Variants in ACSS1 observed in about 807,000 individuals in gnomAD.
ACSS1 encodes acetyl-coenzyme A synthetase 2-like, mitochondrial.
In ACSS1, 42 loss-of-function variants were observed where a neutral mutation model predicts 75.3. The observed-to-expected ratio is 0.56, with a 90% confidence interval of 0.44 to 0.72. ACSS1 has a LOEUF of 0.72. Ranked by LOEUF, ACSS1 falls within the 30% of genes least tolerant of loss-of-function variation. ACSS1 has a pLI of 0.00. For missense variants in ACSS1, 782 were observed against 935.7 expected (o/e 0.84, Z 2.14); for synonymous variants, 380 against 376.8 (o/e 1.01, Z -0.10).
chr20:25,048,676 G>A (rs557364820), intron 1 of ACSS1, among the ~76,000 whole-genome samples: 6 of 152,338 alleles, frequency 3.9e-5, no homozygotes, highest in Non-Finnish European at 8.8e-5. Context: ...AAGAAGGGAC[G>A]AGGACCCAAC....
intron 2 of ACSS1, among the ~76,000 whole-genome samples, chr20:25,038,725 G>A (rs1172728416): frequency 2.6e-5 from 4 of 152,184 alleles, no homozygotes; most frequent in Non-Finnish European, 5.9e-5. Flanking sequence ...TGAGAAGGAT[G>A]CAGAGCCTCC....
chr20:25,015,900 T>C, intron 7 of ACSS1, among the ~76,000 whole-genome samples: 1 of 152,208 alleles, frequency 6.6e-6, no homozygotes, highest in Non-Finnish European at 1.5e-5. Context: ...GAGCAACTGC[T>C]TGGGGCAGAA....
intron 2 of ACSS1, among the ~76,000 whole-genome samples, chr20:25,039,627 C>CCAGG (rs766709027): frequency 3.2e-4 from 48 of 152,180 alleles, no homozygotes; most frequent in Non-Finnish European, 5.4e-4. Context: ...GGCCACCTGC[C>CCAGG]CAGGGCATGC....
chr20:25,013,815 G>T, intron 9 of ACSS1, 146 bp downstream of exon 9: 2 of 1,324,026 alleles, frequency 1.5e-6, no homozygotes, highest in Non-Finnish European at 2.1e-6. Context: ...ACTACCCAGT[G>T]CATGATACCA....
chr20:25,056,857 G>C (rs2089249365), intron 1 of ACSS1, among the ~76,000 whole-genome samples: 1 of 151,832 alleles, frequency 6.6e-6, no homozygotes, highest in African/African-American at 2.4e-5. Flanking sequence ...CCCACACCCA[G>C]GCCCACCCTG....
rs949419874 is a variant in ACSS1, at chr20:25,041,935, C to T, written c.431+6150G>A. ...AGGAGGAAGGACGCCAGACTCCATT[C>T]GAGTGGCCTGGGATCCAAGAAGGTA... is the stretch of plus-strand genomic sequence containing the variant. On this transcript the variant is annotated intron_variant, in intron 2 of 13. Coordinates refer to ENST00000323482, the MANE Select transcript of ACSS1 (RefSeq NM_032501.4). Among the ~76,000 whole-genome samples the T allele has an allele frequency of 2.0e-5, 3 of 152,282 alleles. No individual in the cohort carries two copies. In the East Asian group the frequency reaches 5.8e-4, roughly 29 times the overall value.
Position 25,021,475 on chromosome 20 carries a change from G to A in ACSS1, c.1022C>T (p.Thr341Ile), listed in dbSNP as rs1406011810. The A allele has an allele frequency of 7.4e-6, 12 of 1,614,226 alleles. No homozygotes were observed. Among genetic ancestry groups the A allele is most frequent in the East Asian group, 2.2e-5 (1 of 44,876 alleles). Reference sequence around the variant, plus strand: ...CCCATACACCACGTAGCTGTGTCCTGTAATCCAACCGATGTCGGCCACACA... The same window carrying A: ...CCCATACACCACGTAGCTGTGTCCTATAATCCAACCGATGTCGGCCACACA... Reference protein sequence around the residue: ...FGCVADIGWITGHSYVVYGPL... With the variant: ...FGCVADIGWIIGHSYVVYGPL... Residue 341 changes from threonine (T) to isoleucine (I), a missense_variant, in exon 6 of 14, where the codon ACA (threonine) becomes ATA (isoleucine). Coordinates refer to ENST00000323482, the MANE Select transcript of ACSS1 (RefSeq NM_032501.4).
chr20:25,029,457 T>C (rs1411180020), intron 3 of ACSS1, among the ~76,000 whole-genome samples: 1 of 152,228 alleles, frequency 6.6e-6, no homozygotes, highest in East Asian at 1.9e-4. Flanking sequence ...AAAACAGTTT[T>C]ACAGTTCTTT....
At chr20:25,031,920 T>G (rs1024888394) in intron 2 of ACSS1, among the ~76,000 whole-genome samples, 3 of 152,064 alleles carry the variant, frequency 2.0e-5, no homozygotes, top group Admixed American at 6.5e-5. Context: ...CAAATAATGC[T>G]CTCAGGGAGC....
At position 25,007,770 on chromosome 20, in the gene ACSS1, C is replaced by T. The variant is rs370546328; in HGVS notation, c.2062G>A (p.Ala688Thr). 4.8e-5 allele frequency: 77 copies of T among 1,613,892 alleles called. No homozygotes were observed. The highest frequency in any genetic ancestry group is 6.1e-5 in the Non-Finnish European group (72 of 1,179,932). ...YQKCKDKQAA[A>T]K ...CCCCACAAGGTGCCAGCTCACTTAG[C>T]AGCAGCCTGCTTGTCCTTGCACTTC... is the stretch of plus-strand genomic sequence containing the variant. Residue 688 changes from alanine to threonine, a missense_variant, in exon 14 of 14, where the codon GCT (alanine) becomes ACT (threonine). Ala to Thr is a moderately conservative substitution (Grantham distance 58). Transcript: ENST00000323482.
intron 2 of ACSS1, among the ~76,000 whole-genome samples, chr20:25,041,030 G>A (rs1044461263): frequency 3.9e-5 from 6 of 152,188 alleles, no homozygotes; most frequent in East Asian, 1.9e-4. Context: ...AGGCCAAGGC[G>A]GGTGGATCAC....
At chr20:25,052,007 G>T (rs529991736) in intron 1 of ACSS1, among the ~76,000 whole-genome samples, 137 of 152,252 alleles carry the variant, frequency 9.0e-4, no homozygotes, top group African/African-American at 3.2e-3. Context: ...GGCCACCATG[G>T]CTGGTGCTCA....
At chr20:25,052,410 G>A (rs564127657) in intron 1 of ACSS1, among the ~76,000 whole-genome samples, 14 of 152,200 alleles carry the variant, frequency 9.2e-5, no homozygotes, top group East Asian at 7.7e-4. Flanking sequence ...CCTGTCCTTC[G>A]CCTCTCAGAG....
At chr20:25,053,901 CAT>C (rs1478580512) in intron 1 of ACSS1, among the ~76,000 whole-genome samples, 12 of 152,218 alleles carry the variant, frequency 7.9e-5, no homozygotes, top group Non-Finnish European at 1.3e-4. Flanking sequence ...GAAAGCAACA[CAT>C]GTCATTACCC....
At position 25,021,437 on chromosome 20, in the gene ACSS1, C is replaced by G; in HGVS notation, c.1060G>C (p.Gly354Arg). 1.2e-6 allele frequency: 2 copies of G among 1,614,214 alleles called. No homozygotes were observed. The highest frequency in any genetic ancestry group is 1.7e-6 in the Non-Finnish European group (2 of 1,180,022). ...CTCTCAAAAAGGACGCTGGTGGCAC[C>G]ATTGCAGAGAGGCCCATACACCACG... ...SYVVYGPLCN[G>R]ATSVLFESTP... The change falls in exon 6 of 14, where the codon GGT becomes CGT. Residue 354 changes from glycine (G) to arginine (R), a missense_variant. Gly to Arg is a moderately radical substitution (Grantham distance 125). This residue lies in a region of ACSS1 where 405 missense variants were observed against 552.6 expected (regional missense o/e 0.73). Transcript: ENST00000323482.
intron 13 of ACSS1, among the ~76,000 whole-genome samples, chr20:25,008,901 G>A (rs1156890210): frequency 6.6e-6 from 1 of 152,094 alleles, no homozygotes; most frequent in Non-Finnish European, 1.5e-5. Context: ...GCTGGGCGTG[G>A]AAGCCTGCCT....
At chr20:25,048,046 G>T (rs940495896) in intron 2 of ACSS1, 39 bp downstream of exon 2, 10 of 1,590,556 alleles carry the variant, frequency 6.3e-6, no homozygotes, top group Non-Finnish European at 7.8e-6. Context: ...ACTGGGCTGG[G>T]CGCCTCCCTC....
Position 25,013,954 on chromosome 20 carries a change from T to C in ACSS1, c.1452+7A>G. 2 of 1,612,278 alleles carry C rather than the reference T, an allele frequency of 1.2e-6. No individual in the cohort carries two copies. The highest frequency in any genetic ancestry group is 4.5e-5 in the East Asian group (2 of 44,848). On this transcript the variant is annotated splice_region_variant and intron_variant, in intron 9 of 13. Transcript: ENST00000323482. ...ATGACCCCCATGTGGGGGAGGCCCA[T>C]ACACACCTTCTCATCCATGAGGACG...
At chr20:25,029,322 A>G (rs2088782314) in intron 3 of ACSS1, among the ~76,000 whole-genome samples, 1 of 152,218 alleles carries the variant, frequency 6.6e-6, no homozygotes, top group African/African-American at 2.4e-5. Context: ...CAAAACCACA[A>G]TGAGATACAA....
Sources: gnomAD v4.1 joint callset for allele counts (sites outside exome capture counted in the v4.1 genomes callset) on GRCh38, gnomAD v4.1.1 for gene constraint, gnomAD v4.1.1 regional missense constraint, MANE v1.5 for transcripts, NCBI Gene and HGNC (gene_info 2026-07-23, HGNC 2026-07-21) for gene names.